Variants in PTPRN2 observed in about 807,000 individuals in gnomAD.
The protein encoded by PTPRN2 is protein tyrosine phosphatase receptor type N2.
In PTPRN2, 74 loss-of-function variants were observed where a neutral mutation model predicts 118.8. The observed-to-expected ratio is 0.62, with a 90% confidence interval of 0.52 to 0.76. The LOEUF (loss-of-function observed/expected upper bound fraction) is 0.76, where lower values mean the gene tolerates loss of function less well. PTPRN2 is among the 30% of genes least tolerant of loss of function. PTPRN2 has a pLI of 0.00. For synonymous variants in PTPRN2, 641 were observed against 608.0 expected, an observed-to-expected ratio of 1.05 and a Z score of -0.80; for missense variants, 1,481 against 1,394.4, an observed-to-expected ratio of 1.06 and a Z score of -0.99.
chr7:158,331,366 A>AGG, intron 2 of PTPRN2, among the ~76,000 whole-genome samples: 1 of 140,636 alleles, frequency 7.1e-6, no homozygotes, highest in African/African-American at 2.8e-5. Flanking sequence ...ATAAGAGCTG[A>AGG]CACCCGCAGA....
intron 9 of PTPRN2, among the ~76,000 whole-genome samples, chr7:158,132,551 TAC>T (rs1357553502): frequency 2.7e-5 from 4 of 147,820 alleles, no homozygotes; most frequent in Admixed American, 6.7e-5. Flanking sequence ...CACACATGCA[TAC>T]ACAGACATCT....
intron 12 of PTPRN2, among the ~76,000 whole-genome samples, chr7:157,734,900 C>T (rs1021534531): frequency 6.6e-6 from 1 of 152,198 alleles, no homozygotes; most frequent in African/African-American, 2.4e-5. Flanking sequence ...ATATTGATGT[C>T]GACGTGGGAG....
In PTPRN2 at chr7:157,539,976, A is replaced by G. The variant is rs1462957689; in HGVS notation, c.*738T>C. The G allele has an allele frequency of 6.6e-6, 1 of 152,252 alleles. No homozygotes were observed. The highest frequency in any genetic ancestry group is 2.4e-5 in the African/African-American group (1 of 41,460). 9.4% of individuals were successfully genotyped at this position (152,252 alleles called of 1,614,324 possible). On this transcript the variant is annotated 3_prime_UTR_variant, in exon 23 of 23. Coordinates refer to ENST00000389418, the MANE Select transcript of PTPRN2 (RefSeq NM_002847.5). Reference sequence around the variant, plus strand: ...AAATCAATATTTTAACATTAAAAACACATCTCAATGTTGGGGTGCATCTGT... The same window carrying G: ...AAATCAATATTTTAACATTAAAAACGCATCTCAATGTTGGGGTGCATCTGT...
chr7:158,134,192 G>A (rs1253708020), intron 8 of PTPRN2, 133 bp from the exon 9 acceptor site: 9 of 1,014,478 alleles, frequency 8.9e-6, no homozygotes, highest in Non-Finnish European at 1.1e-5. Context: ...GTGGGAGGAA[G>A]GCGAAGTGTG....
At chr7:158,373,025 G>C (rs1219339342) in intron 2 of PTPRN2, among the ~76,000 whole-genome samples, 1 of 152,208 alleles carries the variant, frequency 6.6e-6, no homozygotes, top group Non-Finnish European at 1.5e-5. Context: ...GGCTGCCAGA[G>C]GATGCGCTGC....
rs1233019509 is a variant in PTPRN2, at chr7:158,015,225, C to T, written c.1723+66073G>A. Among the ~76,000 whole-genome samples the T allele has an allele frequency of 2.6e-5, 4 of 152,158 alleles. No individual in the cohort carries two copies. The highest frequency in any genetic ancestry group is 9.7e-5 in the African/African-American group (4 of 41,438). On this transcript the variant is annotated intron_variant, in intron 11 of 22. Coordinates refer to ENST00000389418, the MANE Select transcript of PTPRN2 (RefSeq NM_002847.5). This position sits in a 1 kb window ranked among gnomAD's most constrained non-coding sequence, Gnocchi z 4.2. ...CAGTCTGTGCCTCATTTCTACTCCA[C>T]GTTGAATCTTTGAATCTAGTGATTT... is the stretch of plus-strand genomic sequence containing the variant.
intron 11 of PTPRN2, among the ~76,000 whole-genome samples, chr7:157,906,472 G>C (rs1797774591): frequency 6.6e-6 from 1 of 152,198 alleles, no homozygotes; most frequent in Non-Finnish European, 1.5e-5. Context: ...AACTCTAGCA[G>C]GGCCATACGT....
chr7:158,381,736 C>G (rs761483668), intron 2 of PTPRN2, among the ~76,000 whole-genome samples: 3 of 152,132 alleles, frequency 2.0e-5, no homozygotes, highest in African/African-American at 7.2e-5. Context: ...AAGACATACC[C>G]GAGACTGGGT....
chr7:158,102,464 C>T (rs1417906412), intron 10 of PTPRN2, among the ~76,000 whole-genome samples: 5 of 152,174 alleles, frequency 3.3e-5, no homozygotes, highest in Non-Finnish European at 7.3e-5. Flanking sequence ...TCATGGTACC[C>T]AGGCTGCTTC....
At chr7:157,886,064 T>C (rs1245551086) in intron 12 of PTPRN2, among the ~76,000 whole-genome samples, 1 of 152,216 alleles carries the variant, frequency 6.6e-6, no homozygotes, top group African/African-American at 2.4e-5. Flanking sequence ...CCAAGTCTGA[T>C]GGGTTGACCC....
At chr7:158,587,173 C>T (rs548200250) in intron 1 of PTPRN2, among the ~76,000 whole-genome samples, 1 of 141,330 alleles carries the variant, frequency 7.1e-6, no homozygotes, top group South Asian at 2.4e-4. Flanking sequence ...CACCGAGACG[C>T]CCCTCCCCTA....
intron 1 of PTPRN2, among the ~76,000 whole-genome samples, chr7:158,522,662 T>G (rs990502701): frequency 4.6e-5 from 7 of 152,160 alleles, no homozygotes; most frequent in African/African-American, 1.7e-4. Flanking sequence ...GGACACAGAT[T>G]AAGGTGAAGT....
intron 2 of PTPRN2, among the ~76,000 whole-genome samples, chr7:158,322,411 G>A (rs1024251676): frequency 4.6e-5 from 7 of 151,718 alleles, no homozygotes; most frequent in East Asian, 1.9e-4. Flanking sequence ...AACGAACAGC[G>A]GCCGACCTGA....
intron 2 of PTPRN2, among the ~76,000 whole-genome samples, chr7:158,387,492 G>C (rs536051329): frequency 6.6e-6 from 1 of 152,288 alleles, no homozygotes. Context: ...TACAAGTGGA[G>C]TGCGATCGGG....
chr7:158,046,908 T>C (rs1808921146), intron 11 of PTPRN2, among the ~76,000 whole-genome samples: 1 of 152,144 alleles, frequency 6.6e-6, no homozygotes, highest in Non-Finnish European at 1.5e-5. Context: ...CACCAAAAAG[T>C]CCATCTAAAT....
At chr7:158,212,252 G>C (rs1827652128) in intron 3 of PTPRN2, among the ~76,000 whole-genome samples, 1 of 151,980 alleles carries the variant, frequency 6.6e-6, no homozygotes, top group Non-Finnish European at 1.5e-5. Flanking sequence ...GGGGCGGGGG[G>C]CAAGTGGGAA....
intron 2 of PTPRN2, among the ~76,000 whole-genome samples, chr7:158,340,541 C>T (rs1235546504): frequency 7.8e-6 from 1 of 128,178 alleles, no homozygotes; most frequent in Non-Finnish European, 1.7e-5. Flanking sequence ...AGAGCTGTCG[C>T]CCGCAGAGGT....
chr7:158,172,577 CATCTCCACT>C (rs1823803813), intron 5 of PTPRN2, among the ~76,000 whole-genome samples: 1 of 151,036 alleles, frequency 6.6e-6, no homozygotes. Context: ...TCCACAACAG[CATCTCCACT>C]ATCTCCACCA....
chr7:157,769,254 C>T (rs1199634034), intron 12 of PTPRN2, among the ~76,000 whole-genome samples: 3 of 152,168 alleles, frequency 2.0e-5, no homozygotes, highest in Non-Finnish European at 4.4e-5. Flanking sequence ...CCCCAGGCCA[C>T]TCCCGACGGC....
Sources: allele counts gnomAD v4.1 joint callset (sites outside exome capture counted in the v4.1 genomes callset), GRCh38; gene constraint gnomAD v4.1.1; non-coding constraint Gnocchi (gnomAD v3.1); transcripts MANE v1.5; gene names NCBI Gene and HGNC (gene_info 2026-07-23, HGNC 2026-07-21).